NXPH1: variants seen among roughly 807,000 people sequenced by gnomAD.
NXPH1 encodes the protein neurexophilin-1.
In NXPH1, 5 loss-of-function variants were observed where a neutral mutation model predicts 23.7. The observed-to-expected ratio is 0.21, with a 90% CI of 0.11 to 0.44. The LOEUF is 0.44. Among genes scored for constraint, NXPH1 ranks in the 20% least tolerant of loss-of-function variants. The probability of loss-of-function intolerance (pLI) is 0.99; values close to 1 mark genes in which losing one functional copy is unlikely to be tolerated. For synonymous variants in NXPH1, 144 were observed against 122.2 expected (o/e 1.18, Z -1.18); for missense variants, 324 against 321.6 (o/e 1.01, Z -0.06).
At chr7:8,506,412 G>A (rs1287519859) in intron 2 of NXPH1, among the ~76,000 whole-genome samples, 1 of 152,036 alleles carries the variant, frequency 6.6e-6, no homozygotes, top group African/African-American at 2.4e-5. Flanking sequence ...TTCCTTTATA[G>A]GATACTTGTG....
At chr7:8,537,426 A>G (rs1042263403) in intron 2 of NXPH1, among the ~76,000 whole-genome samples, 5 of 151,996 alleles carry the variant, frequency 3.3e-5, no homozygotes, top group African/African-American at 1.2e-4. Context: ...CAGAAGGGGA[A>G]GCAAACATGT....
At chr7:8,535,279 A>G (rs1300085280) in intron 2 of NXPH1, among the ~76,000 whole-genome samples, 1 of 152,116 alleles carries the variant, frequency 6.6e-6, no homozygotes, top group African/African-American at 2.4e-5. Flanking sequence ...AAAGGAAACA[A>G]TCAGTGGAAA....
At chr7:8,599,692 T>C (rs979000924) in intron 2 of NXPH1, among the ~76,000 whole-genome samples, 5 of 152,132 alleles carry the variant, frequency 3.3e-5, no homozygotes, top group African/African-American at 9.7e-5. Flanking sequence ...AGACCTGGTT[T>C]ATTGTACTAG....
intron 2 of NXPH1, among the ~76,000 whole-genome samples, chr7:8,576,969 A>C (rs2128623003): frequency 6.6e-6 from 1 of 152,266 alleles, no homozygotes; most frequent in Non-Finnish European, 1.5e-5. Flanking sequence ...ACAAATATTT[A>C]CTCAAGCATC....
At chr7:8,511,160 T>C (rs764128319) in intron 2 of NXPH1, among the ~76,000 whole-genome samples, 6 of 152,136 alleles carry the variant, frequency 3.9e-5, no homozygotes, top group Non-Finnish European at 8.8e-5. Flanking sequence ...ATGCATTATG[T>C]ATAGCATTAA....
intron 2 of NXPH1, among the ~76,000 whole-genome samples, chr7:8,642,876 T>A (rs1344656585): frequency 7.2e-6 from 1 of 138,364 alleles, no homozygotes; most frequent in South Asian, 2.9e-4. Context: ...TCTTTTCTTA[T>A]TTTTTTGAAA....
At chr7:8,731,843 C>T (rs925154318) in intron 2 of NXPH1, among the ~76,000 whole-genome samples, 8 of 152,254 alleles carry the variant, frequency 5.3e-5, no homozygotes, top group Admixed American at 3.9e-4. Context: ...GGCAGGCAGG[C>T]CTCCTTGAGC....
At chr7:8,694,921 T>A (rs1254074282) in intron 2 of NXPH1, among the ~76,000 whole-genome samples, 1 of 152,162 alleles carries the variant, frequency 6.6e-6, no homozygotes, top group East Asian at 1.9e-4. Context: ...TGGGATTCTG[T>A]GGATAATTCA....
In NXPH1 at chr7:8,722,767, G is replaced by A. The variant is rs578193784; in HGVS notation, c.55-28241G>A. Among the ~76,000 whole-genome samples the A allele has an allele frequency of 5.9e-5, 9 of 152,250 alleles. No homozygotes were observed. The South Asian group carries it at 6.2e-4, about 11-fold the overall frequency. On this transcript the variant is annotated intron_variant, in intron 2 of 2. Coordinates refer to ENST00000405863, the MANE Select transcript of NXPH1 (RefSeq NM_152745.3). Reference sequence around the variant, plus strand: ...CAAGAGGAGTGGGCTGGATGGTAACGAACCTTCATCACAATTTTGGCTCTG... The same window carrying A: ...CAAGAGGAGTGGGCTGGATGGTAACAAACCTTCATCACAATTTTGGCTCTG...
chr7:8,703,035 A>G (rs1779650889), intron 2 of NXPH1, among the ~76,000 whole-genome samples: 1 of 152,130 alleles, frequency 6.6e-6, no homozygotes, highest in Non-Finnish European at 1.5e-5. Flanking sequence ...GAGGCTAGAC[A>G]TTGCTGGAGG....
intron 2 of NXPH1, among the ~76,000 whole-genome samples, chr7:8,439,672 G>A (rs897555319): frequency 6.6e-6 from 1 of 152,134 alleles, no homozygotes; most frequent in Non-Finnish European, 1.5e-5. Flanking sequence ...TCTCAAATTT[G>A]GGATATCCTT....
At chr7:8,612,103 T>A (rs1019293015) in intron 2 of NXPH1, among the ~76,000 whole-genome samples, 1 of 152,052 alleles carries the variant, frequency 6.6e-6, no homozygotes, top group Non-Finnish European at 1.5e-5. Flanking sequence ...TGTGAAGGCA[T>A]GTTCAGTGTT....
chr7:8,532,898 A>G (rs1817970617), intron 2 of NXPH1, among the ~76,000 whole-genome samples: 1 of 152,136 alleles, frequency 6.6e-6, no homozygotes, highest in Non-Finnish European at 1.5e-5. Flanking sequence ...GTGTGGGGGT[A>G]AATGAGGCAA....
intron 2 of NXPH1, among the ~76,000 whole-genome samples, chr7:8,719,612 A>G (rs972042127): frequency 3.9e-5 from 6 of 152,188 alleles, no homozygotes; most frequent in African/African-American, 1.4e-4. Context: ...TGGTTGCCTA[A>G]ATGACTTGGA....
At chr7:8,618,799 A>G (rs2115120562) in intron 2 of NXPH1, among the ~76,000 whole-genome samples, 1 of 152,316 alleles carries the variant, frequency 6.6e-6, no homozygotes, top group Non-Finnish European at 1.5e-5. Flanking sequence ...GAACTGGAGA[A>G]TGTGTGTTCT....
At chr7:8,599,227 G>T (rs1162599464) in intron 2 of NXPH1, among the ~76,000 whole-genome samples, 2 of 152,100 alleles carry the variant, frequency 1.3e-5, no homozygotes, top group Non-Finnish European at 2.9e-5. Flanking sequence ...AGCCTTAGGA[G>T]TGAGAAGGAT....
intron 2 of NXPH1, among the ~76,000 whole-genome samples, chr7:8,742,288 G>A (rs1780380658): frequency 6.6e-6 from 1 of 152,046 alleles, no homozygotes; most frequent in Non-Finnish European, 1.5e-5. Flanking sequence ...AATTCAATGA[G>A]AGAGGGGAGT....
At chr7:8,627,612 T>C (rs1030307049) in intron 2 of NXPH1, among the ~76,000 whole-genome samples, 3 of 152,120 alleles carry the variant, frequency 2.0e-5, no homozygotes, top group African/African-American at 7.2e-5. Context: ...GAAATGATTA[T>C]AGATCATGAA....
intron 2 of NXPH1, among the ~76,000 whole-genome samples, chr7:8,685,995 A>G (rs1322390874): frequency 2.0e-5 from 3 of 152,156 alleles, no homozygotes. Context: ...TGTTTATTCC[A>G]CGTTGCATGC....
Sources: allele counts gnomAD v4.1 joint callset (sites outside exome capture counted in the v4.1 genomes callset), GRCh38; gene constraint gnomAD v4.1.1; transcripts MANE v1.5; gene names NCBI Gene and HGNC (gene_info 2026-07-23, HGNC 2026-07-21).